Variants in ANKS1A observed in about 807,000 individuals in gnomAD.
ANKS1A encodes the protein ankyrin repeat and sterile alpha motif domain containing 1A.
Under a neutral mutation model 120.3 loss-of-function variants are expected in ANKS1A, and 55 were observed. The ratio of observed to expected loss-of-function variants is 0.46; its 90% CI spans 0.37 to 0.57. ANKS1A has a LOEUF of 0.57. Among genes scored for constraint, ANKS1A ranks in the 20% least tolerant of loss-of-function variants. ANKS1A has a pLI of 0.00. For missense variants in ANKS1A, 1,123 were observed against 1,480.3 expected (o/e 0.76, Z 3.96); for synonymous variants, 590 against 604.7 (o/e 0.98, Z 0.36).
rs959477496 is a variant in ANKS1A at position 35,057,172 on chromosome 6, C to T, written c.2078-2975C>T. ...CGACCACAGCATTGGAGTCTCAGTT[C>T]TGTTTTTAGGGCCACAGGCCCCTGG... On this transcript the variant is annotated intron_variant, in intron 12 of 23. Transcript: ENST00000360359. This position sits in a 1 kb window ranked among gnomAD's most constrained non-coding sequence, Gnocchi z 4.1. 4.6e-5 allele frequency among the ~76,000 whole-genome samples: 7 copies of T among 152,132 alleles called. No individual in the cohort carries two copies. Among genetic ancestry groups the T allele is most frequent in the African/African-American group, 1.7e-4 (7 of 41,442 alleles).
rs1776286771 is a variant in ANKS1A, at chr6:35,057,739, T to C, written c.2078-2408T>C. Among the ~76,000 whole-genome samples the C allele has an allele frequency of 6.6e-6, 1 of 152,240 alleles. No homozygotes were observed. Among genetic ancestry groups the C allele is most frequent in the South Asian group, 2.1e-4 (1 of 4,826 alleles). On this transcript the variant is annotated intron_variant, in intron 12 of 23. Coordinates refer to ENST00000360359, the MANE Select transcript of ANKS1A (RefSeq NM_015245.3). The surrounding 1 kb of genome is among the most constrained non-coding windows in gnomAD (Gnocchi z 4.1). Reference sequence around the variant, plus strand: ...AAGTCCGTCCCCAATTTGTTTGGTATACTCACCTAAGGAACATCAAGTGTA... The same window carrying C: ...AAGTCCGTCCCCAATTTGTTTGGTACACTCACCTAAGGAACATCAAGTGTA...
chr6:34,990,501 T>C (rs1352489993), intron 9 of ANKS1A, among the ~76,000 whole-genome samples: 1 of 151,886 alleles, frequency 6.6e-6, no homozygotes, highest in Non-Finnish European at 1.5e-5. Flanking sequence ...CTTTTTTTTT[T>C]TTTTTTTTAA....
intron 1 of ANKS1A, among the ~76,000 whole-genome samples, chr6:34,947,500 A>G (rs974500856): frequency 2.6e-5 from 4 of 152,140 alleles, no homozygotes; most frequent in African/African-American, 7.2e-5. Context: ...TAGAATATCT[A>G]TTAGACTCAT....
chr6:34,960,459 G>A (rs1770577948), intron 1 of ANKS1A, among the ~76,000 whole-genome samples: 1 of 152,032 alleles, frequency 6.6e-6, no homozygotes, highest in South Asian at 2.1e-4. Flanking sequence ...TGTCTGCTGA[G>A]TACATGCGTG....
chr6:35,031,123 G>A (rs1004514260), intron 11 of ANKS1A, among the ~76,000 whole-genome samples: 33 of 152,200 alleles, frequency 2.2e-4, no homozygotes, highest in Admixed American at 1.4e-3. Flanking sequence ...ACCTCCATCA[G>A]GAGGCCATAC....
Position 34,889,645 on chromosome 6 carries a change from C to T in ANKS1A, c.197+46C>T. On this transcript the variant is annotated intron_variant, in intron 1 of 23. Coordinates refer to ENST00000360359, the MANE Select transcript of ANKS1A (RefSeq NM_015245.3). The surrounding 1 kb of genome is among the most constrained non-coding windows in gnomAD (Gnocchi z 5.5). ...GGCCGCTGCCTGCAGACCCTTTCTC[C>T]CCCACCCGTCTCTTGGGTCCCCAGA... 1 of 1,262,296 alleles carries T rather than the reference C, an allele frequency of 7.9e-7. No homozygotes were observed. The allele number at this position is 1,262,296 out of a possible 1,614,324, so 78.2% of individuals were successfully genotyped here.
At chr6:35,048,267 G>A (rs1464762137) in intron 11 of ANKS1A, among the ~76,000 whole-genome samples, 2 of 152,216 alleles carry the variant, frequency 1.3e-5, no homozygotes, top group African/African-American at 4.8e-5. Context: ...ACGATGTAAA[G>A]GGGATTGAAG....
At chr6:35,064,362 G>A (rs915432907) in intron 13 of ANKS1A, among the ~76,000 whole-genome samples, 1 of 152,154 alleles carries the variant, frequency 6.6e-6, no homozygotes, top group African/African-American at 2.4e-5. Context: ...ATGGGAGGCC[G>A]CCTGCTCCTC....
chr6:34,904,789 A>ATTTTCTTTTCTTTTCTTTT (rs1554131746), intron 1 of ANKS1A, among the ~76,000 whole-genome samples: 21 of 151,804 alleles, frequency 1.4e-4, no homozygotes, highest in African/African-American at 4.1e-4. Flanking sequence ...TCTGATTCTG[A>ATTTTCTTTTCTTTTCTTTT]TTTTCTTTTC....
At chr6:35,079,452 G>A in intron 14 of ANKS1A, 64 bp from the exon 15 acceptor site, 2 of 1,592,220 alleles carry the variant, frequency 1.3e-6, no homozygotes, top group South Asian at 2.3e-5. Context: ...CTGGGTCCAT[G>A]GTCCTCGGGT....
At chr6:35,019,741 T>C (rs915516462) in intron 11 of ANKS1A, among the ~76,000 whole-genome samples, 3 of 152,050 alleles carry the variant, frequency 2.0e-5, no homozygotes, top group African/African-American at 7.3e-5. Flanking sequence ...TCAAGATAAA[T>C]TTAAGAGGAA....
chr6:35,060,011 G>C lies in ANKS1A; in HGVS notation c.2078-136G>C. On this transcript the variant is annotated intron_variant, in intron 12 of 23. Coordinates refer to ENST00000360359, the MANE Select transcript of ANKS1A (RefSeq NM_015245.3). This position sits in a 1 kb window ranked among gnomAD's most constrained non-coding sequence, Gnocchi z 4.5. ...GGAGCTGCGTGTCTGCTGCTCTCTGGTCTCTTGTATATAGTTTGGCTGTTT... is the reference window on the plus strand; with the variant it reads ...GGAGCTGCGTGTCTGCTGCTCTCTGCTCTCTTGTATATAGTTTGGCTGTTT... 1 of 649,400 alleles carries C rather than the reference G, an allele frequency of 1.5e-6. No homozygotes were observed. Among genetic ancestry groups the C allele is most frequent in the Non-Finnish European group, 2.8e-6 (1 of 362,482 alleles). 40.2% of individuals were successfully genotyped at this position (649,400 alleles called of 1,614,324 possible).
At chr6:35,010,450 A>G (rs1341439924) in intron 10 of ANKS1A, among the ~76,000 whole-genome samples, 2 of 152,170 alleles carry the variant, frequency 1.3e-5, no homozygotes, top group South Asian at 2.1e-4. Context: ...AAAGGGGAGA[A>G]TGGCACTTTA....
chr6:34,966,380 C>G (rs1770893627), intron 1 of ANKS1A, among the ~76,000 whole-genome samples: 1 of 152,110 alleles, frequency 6.6e-6, no homozygotes, highest in African/African-American at 2.4e-5. Flanking sequence ...TCTAATAACA[C>G]TTTTTGGGGG....
chr6:34,904,855 A>G (rs1431947488), intron 1 of ANKS1A, among the ~76,000 whole-genome samples: 1 of 152,058 alleles, frequency 6.6e-6, no homozygotes, highest in Non-Finnish European at 1.5e-5. Context: ...CTGTCACCCA[A>G]GCTGGATTGG....
chr6:34,972,683 C>T (rs562859537), intron 3 of ANKS1A: 63 of 949,848 alleles, frequency 6.6e-5, no homozygotes, highest in Non-Finnish European at 7.4e-5. Context: ...CATCATTTCT[C>T]CAAGCTGTAC....
rs548146936 is a variant in ANKS1A at position 34,897,393 on chromosome 6, A to G, written c.197+7794A>G. ...CAAACAGCTGTGAATTCTGGTTTGC[A>G]AAAGGAAGTCCAGGCTATTTCTGCC... On this transcript the variant is annotated intron_variant, in intron 1 of 23. Transcript: ENST00000360359. Among the ~76,000 whole-genome samples, 165 of 152,306 alleles carry G rather than the reference A, an allele frequency of 1.1e-3. 1 individual carries two copies. Among genetic ancestry groups the G allele is most frequent in the Non-Finnish European group, 1.8e-3 (125 of 68,018 alleles).
Position 34,982,134 on chromosome 6 carries a change from A to C in ANKS1A, c.732+148A>C, listed in dbSNP as rs530935986. 68 of 1,016,776 alleles carry C rather than the reference A, an allele frequency of 6.7e-5. No homozygotes were observed. The South Asian group carries it at 1.1e-3, about 17-fold the overall frequency. The allele number at this position is 1,016,776 out of a possible 1,614,324, so 63.0% of individuals were successfully genotyped here. A position where few individuals can be genotyped will look rare whatever the true frequency, so the allele number is the denominator to read the frequency against. On this transcript the variant is annotated intron_variant, in intron 4 of 23. Coordinates refer to ENST00000360359, the MANE Select transcript of ANKS1A (RefSeq NM_015245.3). This position sits in a 1 kb window ranked among gnomAD's most constrained non-coding sequence, Gnocchi z 4.9. ...TTATTTGCCGACTCATTCTAATGTG[A>C]CACTAAGAAACAAATGAACTCCTCA...
intron 1 of ANKS1A, among the ~76,000 whole-genome samples, chr6:34,912,405 G>A (rs1317024065): frequency 1.3e-5 from 2 of 152,108 alleles, no homozygotes; most frequent in African/African-American, 2.4e-5. Context: ...TAGAAGGGAC[G>A]GGTGGTCCTC....
Sources: gnomAD v4.1 joint callset for allele counts (sites outside exome capture counted in the v4.1 genomes callset) on GRCh38, gnomAD v4.1.1 for gene constraint, Gnocchi (gnomAD v3.1) non-coding constraint, MANE v1.5 for transcripts, NCBI Gene and HGNC (gene_info 2026-07-23, HGNC 2026-07-21) for gene names.